GRM5: variants seen among roughly 807,000 people sequenced by gnomAD.
The protein encoded by GRM5 is glutamate metabotropic receptor 5.
In GRM5, 19 loss-of-function variants were observed where a neutral mutation model predicts 83.1. The observed-to-expected ratio is 0.23, with a 90% CI of 0.16 to 0.34. The LOEUF (loss-of-function observed/expected upper bound fraction) is 0.34, where lower values mean the gene tolerates loss of function less well. GRM5 is among the 10% of genes least tolerant of loss of function. The pLI is 1.00. For missense variants in GRM5, 1,160 were observed against 1,588.3 expected (o/e 0.73, Z 4.58); for synonymous variants, 675 against 633.6 (o/e 1.07, Z -0.98).
At chr11:88,716,300 A>G (rs1335443052) in intron 3 of GRM5, among the ~76,000 whole-genome samples, 1 of 151,962 alleles carries the variant, frequency 6.6e-6, no homozygotes, top group Non-Finnish European at 1.5e-5. Context: ...GAGTGCATTT[A>G]GCATAGTGTA....
intron 2 of GRM5, among the ~76,000 whole-genome samples, chr11:88,982,083 T>C (rs1323595164): frequency 2.0e-5 from 3 of 152,250 alleles, no homozygotes; most frequent in Admixed American, 2.0e-4. Flanking sequence ...GCTGTTGGTA[T>C]TGGGTAACCA....
chr11:88,720,165 C>CA (rs1941500803), intron 3 of GRM5, among the ~76,000 whole-genome samples: 1 of 151,988 alleles, frequency 6.6e-6, no homozygotes. Flanking sequence ...ATGTCACGTA[C>CA]AAAATCACAG....
At chr11:88,616,378 G>A (rs183180462) in intron 4 of GRM5, among the ~76,000 whole-genome samples, 8 of 138,030 alleles carry the variant, frequency 5.8e-5, no homozygotes, top group African/African-American at 2.1e-4. Context: ...GATAAGATAG[G>A]GCTTTGGAGT....
At chr11:88,828,523 A>G (rs1943932192) in intron 3 of GRM5, among the ~76,000 whole-genome samples, 1 of 152,198 alleles carries the variant, frequency 6.6e-6, no homozygotes, top group Non-Finnish European at 1.5e-5. Flanking sequence ...GTAAATTGAT[A>G]AAGACAAAAA....
chr11:88,593,600 C>T (rs1381079635), intron 6 of GRM5, among the ~76,000 whole-genome samples: 2 of 151,358 alleles, frequency 1.3e-5, no homozygotes, highest in Admixed American at 6.6e-5. Context: ...ATCACCTGAA[C>T]CCGGGAGGCG....
rs577351894 is a variant in GRM5, at chr11:88,620,354, T to C, written c.1148-15390A>G. Among the ~76,000 whole-genome samples, 6 of 152,306 alleles carry C rather than the reference T, an allele frequency of 3.9e-5. No homozygotes were observed. In the South Asian group the frequency reaches 1.2e-3, roughly 32 times the overall value. The stretch of plus-strand genomic sequence containing the variant: ...CTAAACATATCATGGGATTCAGAGA[T>C]TACTTCAGAGTAGAAAATCAGCACT... On this transcript the variant is annotated intron_variant, in intron 4 of 9. Transcript: ENST00000305447.
intron 3 of GRM5, among the ~76,000 whole-genome samples, chr11:88,732,859 C>T (rs112868098): frequency 6.6e-6 from 1 of 152,002 alleles, no homozygotes; most frequent in Non-Finnish European, 1.5e-5. Context: ...TGTGGATGTC[C>T]TGTCTTGGCT....
chr11:88,651,541 T>C (rs1939631736), intron 4 of GRM5, among the ~76,000 whole-genome samples: 1 of 152,086 alleles, frequency 6.6e-6, no homozygotes, highest in African/African-American at 2.4e-5. Context: ...AGAAACTAGA[T>C]AGAACTGTTA....
chr11:89,009,223 A>T (rs1215941426), intron 2 of GRM5: 1 of 563,580 alleles, frequency 1.8e-6, no homozygotes, highest in African/African-American at 1.9e-5. Flanking sequence ...GCATACCAAG[A>T]TGTAATGTCA....
At position 88,505,283 on chromosome 11, in the gene GRM5, C is replaced by T. The variant is rs1941154840; in HGVS notation, c.*3309G>A. ...ACTCACATAATACCTTTGAAGTCTCCAAAACATGTACATTTTACTGGGAGA... is the reference window on the plus strand; with the variant it reads ...ACTCACATAATACCTTTGAAGTCTCTAAAACATGTACATTTTACTGGGAGA... On this transcript the variant is annotated 3_prime_UTR_variant, in exon 10 of 10. Transcript: ENST00000305447. 1 of 152,154 alleles carries T rather than the reference C, an allele frequency of 6.6e-6. No homozygotes were observed. The highest frequency in any genetic ancestry group is 6.5e-5 in the Admixed American group (1 of 15,286). 9.4% of individuals were successfully genotyped at this position (152,154 alleles called of 1,614,324 possible).
At chr11:88,797,291 A>G (rs1943298874) in intron 3 of GRM5, among the ~76,000 whole-genome samples, 1 of 152,094 alleles carries the variant, frequency 6.6e-6, no homozygotes, top group Admixed American at 6.6e-5. Context: ...CTGGGTTTAC[A>G]GGCATGCACC....
At chr11:88,623,202 C>T (rs1938690500) in intron 4 of GRM5, among the ~76,000 whole-genome samples, 1 of 152,200 alleles carries the variant, frequency 6.6e-6, no homozygotes, top group African/African-American at 2.4e-5. Flanking sequence ...TCTCCTGCCT[C>T]AGCCTTCCGA....
At chr11:88,552,950 T>C (rs1053122662) in intron 8 of GRM5, among the ~76,000 whole-genome samples, 1 of 152,278 alleles carries the variant, frequency 6.6e-6, no homozygotes, top group Non-Finnish European at 1.5e-5. Context: ...AGTTTGAAGG[T>C]GAAAAAGACA....
At chr11:88,895,891 G>A (rs1945221534) in intron 2 of GRM5, among the ~76,000 whole-genome samples, 2 of 151,894 alleles carry the variant, frequency 1.3e-5, no homozygotes, top group Non-Finnish European at 2.9e-5. Flanking sequence ...TTGTGATGTA[G>A]AAGTTTAAAA....
chr11:88,636,249 C>T (rs959233458), intron 4 of GRM5, among the ~76,000 whole-genome samples: 44 of 152,208 alleles, frequency 2.9e-4, no homozygotes, highest in African/African-American at 8.9e-4. Flanking sequence ...CGGTGGCTCA[C>T]GCTTGTAATC....
intron 2 of GRM5, among the ~76,000 whole-genome samples, chr11:88,878,192 G>A (rs960643951): frequency 1.3e-4 from 20 of 152,168 alleles, no homozygotes; most frequent in Admixed American, 3.9e-4. Context: ...GATGTTCTTC[G>A]ATAGGTGAAT....
At chr11:88,761,975 G>A (rs1344375114) in intron 3 of GRM5, among the ~76,000 whole-genome samples, 3 of 152,068 alleles carry the variant, frequency 2.0e-5, no homozygotes, top group East Asian at 1.9e-4. Context: ...ATGGTACTGG[G>A]ATAGCTGGCT....
At chr11:88,726,102 G>A (rs2135401084) in intron 3 of GRM5, among the ~76,000 whole-genome samples, 1 of 152,242 alleles carries the variant, frequency 6.6e-6, no homozygotes, top group Admixed American at 6.5e-5. Flanking sequence ...AGCTAAAGGA[G>A]CATGTTCTAA....
intron 2 of GRM5, among the ~76,000 whole-genome samples, chr11:88,988,617 C>T (rs957149127): frequency 0.014 from 2,073 of 151,050 alleles, 62 homozygotes; most frequent in African/African-American, 0.048. Context: ...AGAGAAAGGT[C>T]GGGTTACCCT....
Sources: gnomAD v4.1 joint callset for allele counts (sites outside exome capture counted in the v4.1 genomes callset) on GRCh38, gnomAD v4.1.1 for gene constraint, MANE v1.5 for transcripts, NCBI Gene and HGNC (gene_info 2026-07-23, HGNC 2026-07-21) for gene names.